GPT: variants seen among roughly 807,000 people sequenced by gnomAD.
GPT encodes glutamic--pyruvic transaminase.
In GPT, 60 loss-of-function variants were observed where a neutral mutation model predicts 51.4. The ratio of observed to expected loss-of-function variants is 1.17; its 90% CI spans 0.95 to 1.45. The LOEUF (loss-of-function observed/expected upper bound fraction) is 1.45. Ranked by LOEUF, GPT falls within the 40% of genes most tolerant of loss-of-function variation. The pLI, the probability that GPT is intolerant of heterozygous loss-of-function variation, is 0.00. For missense variants in GPT, 853 were observed against 704.0 expected, an observed-to-expected ratio of 1.21 and a Z score of -2.40; for synonymous variants, 397 against 303.1, an observed-to-expected ratio of 1.31 and a Z score of -3.22.
chr8:144,505,910 T>C lies in GPT; in HGVS notation c.802T>C (p.Phe268Leu). Residue 268 changes from phenylalanine to leucine, a missense_variant, in exon 6 of 11, where the codon TTT (phenylalanine) becomes CTT (leucine). Physicochemically the swap from Phe to Leu is conservative, Grantham distance 22. Transcript: ENST00000394955. ...CCGCTTCGCCTTCGAAGAGCGGCTC[T>C]TTCTGCTGGCGGACGAGGTGCGCGG... ...VIRFAFEERL[F>L]LLADEVYQDN... 1 of 1,605,444 alleles carries C rather than the reference T, an allele frequency of 6.2e-7. No homozygotes were observed. Among genetic ancestry groups the C allele is most frequent in the Non-Finnish European group, 8.5e-7 (1 of 1,176,718 alleles).
rs1826826163 is a variant in GPT, at chr8:144,506,648, C to CG, written c.1280dup (p.Ala428ArgfsTer119). 1 of 1,539,530 alleles carries CG rather than the reference C, an allele frequency of 6.5e-7. No homozygotes were observed. The highest frequency in any genetic ancestry group is 2.4e-5 in the East Asian group (1 of 41,226). ...GCAGCTGCCCCCGCGGGCGGTGGAG[C>CG]GCGCTCAGGTCAGGCGGGGGCGGGG... On this transcript the variant is annotated frameshift_variant, in exon 9 of 11. Coordinates refer to ENST00000394955, the MANE Select transcript of GPT (RefSeq NM_005309.3). LOFTEE classifies it high-confidence loss of function. This position sits in a 1 kb window ranked among gnomAD's most constrained non-coding sequence, Gnocchi z 7.0.
Position 144,506,708 on chromosome 8 carries a change from C to T in GPT, c.1288-23C>T, listed in dbSNP as rs934861641. ...TGGGCAGGGGGGGCCGGGCATCCCT[C>T]TCTGACGGCTCTCCGTCCACAGGAG... On this transcript the variant is annotated intron_variant, in intron 9 of 10. Coordinates refer to ENST00000394955, the MANE Select transcript of GPT (RefSeq NM_005309.3). The surrounding 1 kb of genome is among the most constrained non-coding windows in gnomAD (Gnocchi z 7.0). 1.9e-6 allele frequency: 3 copies of T among 1,607,578 alleles called. No homozygotes were observed. The highest frequency in any genetic ancestry group is 1.7e-6 in the Non-Finnish European group (2 of 1,178,298).
Position 144,504,215 on chromosome 8 carries a change from T to C in GPT, c.-90T>C, listed in dbSNP as rs1586771372. ...TGCTACGGCTGCCCCCTCCCAGCCC[T>C]GGCCCACTAAGCCAGACCCAGCTGT... On this transcript the variant is annotated 5_prime_UTR_variant, in exon 1 of 11. Coordinates refer to ENST00000394955, the MANE Select transcript of GPT (RefSeq NM_005309.3). 1.1e-5 allele frequency: 15 copies of C among 1,420,062 alleles called. No homozygotes were observed. The highest frequency in any genetic ancestry group is 1.4e-5 in the Non-Finnish European group (15 of 1,036,108). 88.0% of individuals were successfully genotyped at this position (1,420,062 alleles called of 1,614,324 possible). A position where few individuals can be genotyped will look rare whatever the true frequency, so the allele number is the denominator to read the frequency against.
Position 144,507,105 on chromosome 8 carries a change from G to A in GPT, c.*105G>A, listed in dbSNP as rs1826852429. On this transcript the variant is annotated 3_prime_UTR_variant, in exon 11 of 11. Coordinates refer to ENST00000394955, the MANE Select transcript of GPT (RefSeq NM_005309.3). Reference sequence around the variant, plus strand: ...TGCTCTTGATGCCTGGCGGGGTGGGGTGGGGGGGGTGCTGGGCCCCTGCCT... The same window carrying A: ...TGCTCTTGATGCCTGGCGGGGTGGGATGGGGGGGGTGCTGGGCCCCTGCCT... 1.4e-6 allele frequency: 1 copy of A among 698,246 alleles called. No homozygotes were observed. Among genetic ancestry groups the A allele is most frequent in the Admixed American group, 2.0e-5 (1 of 49,104 alleles). 43.3% of individuals were successfully genotyped at this position (698,246 alleles called of 1,614,324 possible). A position where few individuals can be genotyped will look rare whatever the true frequency, so the allele number is the denominator to read the frequency against.
Position 144,505,344 on chromosome 8 carries a change from G to A in GPT, c.594G>A (p.Glu198=), listed in dbSNP as rs1826742507. The A allele has an allele frequency of 3.8e-6, 6 of 1,574,056 alleles. No homozygotes were observed. The highest frequency in any genetic ancestry group is 5.2e-6 in the Non-Finnish European group (6 of 1,160,240). ...QYPLYSATLA[E]LGAVQVDYYL... is the part of the protein sequence containing the mutation. ...CACTCTACTCGGCCACGCTGGCAGA[G>A]CTGGGCGCAGTGCAGGTGGATTACT... The change falls in exon 5 of 11, where the codon GAG becomes GAA. Residue 198 remains glutamate (E), a synonymous_variant. Transcript: ENST00000394955.
chr8:144,504,334 G>A lies in GPT; in HGVS notation c.30G>A (p.Gln10=), dbSNP rs748144013. The A allele has an allele frequency of 9.3e-6, 15 of 1,610,482 alleles. No homozygotes were observed. Among genetic ancestry groups the A allele is most frequent in the Admixed American group, 1.7e-5 (1 of 59,996 alleles). ...CCTCGAGCACAGGTGACCGGAGCCA[G>A]GCGGTGAGGCATGGACTGAGGGCGA... The part of the protein sequence containing the change: MASSTGDRS[Q]AVRHGLRAKV... The change falls in exon 1 of 11, where the codon CAG becomes CAA. Residue 10 remains glutamine (Q), a synonymous_variant. Coordinates refer to ENST00000394955, the MANE Select transcript of GPT (RefSeq NM_005309.3).
chr8:144,504,347 G>A lies in GPT; in HGVS notation c.43G>A (p.Gly15Arg), dbSNP rs774705682. The change falls in exon 1 of 11, where the codon GGA (glycine) becomes AGA (arginine). Residue 15 changes from glycine (G) to arginine (R), a missense_variant. Physicochemically the swap from Gly to Arg is moderately radical, Grantham distance 125. Transcript: ENST00000394955. The stretch of plus-strand genomic sequence containing the variant: ...TGACCGGAGCCAGGCGGTGAGGCAT[G>A]GACTGAGGGCGAAGGTGCTGACGCT... Reference protein sequence around the residue: ...TGDRSQAVRHGLRAKVLTLDG... With the variant: ...TGDRSQAVRHRLRAKVLTLDG... 27 of 1,610,888 alleles carry A rather than the reference G, an allele frequency of 1.7e-5. No individual in the cohort carries two copies. Among genetic ancestry groups the A allele is most frequent in the Non-Finnish European group, 1.6e-5 (19 of 1,179,914 alleles).
Position 144,504,188 on chromosome 8 carries a change from T to C in GPT, c.-117T>C. The stretch of plus-strand genomic sequence containing the variant: ...GGGTGCTCTCTTGCCTGGAGTTCCC[T>C]CTGCTACGGCTGCCCCCTCCCAGCC... On this transcript the variant is annotated 5_prime_UTR_variant, in exon 1 of 11. Transcript: ENST00000394955. 1 of 1,118,610 alleles carries C rather than the reference T, an allele frequency of 8.9e-7. No individual in the cohort carries two copies. Among genetic ancestry groups the C allele is most frequent in the South Asian group, 1.3e-5 (1 of 74,790 alleles). The allele number at this position is 1,118,610 out of a possible 1,614,324, so 69.3% of individuals were successfully genotyped here. A position where few individuals can be genotyped will look rare whatever the true frequency, so the allele number is the denominator to read the frequency against.
Position 144,505,289 on chromosome 8 carries a change from CG to C in GPT, c.542del (p.Gly181ValfsTer78). On this transcript the variant is annotated frameshift_variant, in exon 5 of 11. Transcript: ENST00000394955. LOFTEE classifies it high-confidence loss of function. ...GTGGCCGGCGAGGGCCACACACGCA[CG>C]GGTGTGCTCATCCCCATCCCCCAGT... ...LLVAGEGHTR[T>X]GVLIPIPQYP... is the part of the protein sequence containing the mutation. 6.3e-7 allele frequency: 1 copy of C among 1,579,142 alleles called. No homozygotes were observed. Among genetic ancestry groups the C allele is most frequent in the Non-Finnish European group, 8.6e-7 (1 of 1,163,066 alleles).
In GPT at chr8:144,506,805, G is replaced by C. The variant is rs775560041; in HGVS notation, c.1362G>C (p.Gly454=). The change falls in exon 10 of 11, where the codon GGG becomes GGC. Residue 454 remains glycine, a synonymous_variant. Transcript: ENST00000394955. The surrounding 1 kb of genome is among the most constrained non-coding windows in gnomAD (Gnocchi z 7.0). The part of the protein sequence containing the change: ...LEETGICVVP[G]SGFGQREGTY... ...AGACCGGCATCTGCGTGGTGCCAGGGAGCGGCTTTGGGCAGCGGGAAGGCA... is the reference window on the plus strand; with the variant it reads ...AGACCGGCATCTGCGTGGTGCCAGGCAGCGGCTTTGGGCAGCGGGAAGGCA... 9 of 1,612,708 alleles carry C rather than the reference G, an allele frequency of 5.6e-6. No homozygotes were observed. The highest frequency in any genetic ancestry group is 6.8e-6 in the Non-Finnish European group (8 of 1,179,992).
At chr8:144,505,772 C>T (rs1826766620) in intron 5 of GPT, 76 bp from the exon 6 acceptor site, 2 of 1,440,012 alleles carry the variant, frequency 1.4e-6, no homozygotes, top group Admixed American at 2.0e-5. Flanking sequence ...GCCGGGTCCG[C>T]TGGACCCCGG....
rs1402923889 is a variant in GPT, at chr8:144,506,127, G to C, written c.952G>C (p.Gly318Arg). 6.2e-7 allele frequency: 1 copy of C among 1,611,934 alleles called. No individual in the cohort carries two copies. Among genetic ancestry groups the C allele is most frequent in the East Asian group, 2.2e-5 (1 of 44,820 alleles). The change falls in exon 7 of 11, where the codon GGC becomes CGC. Residue 318 changes from glycine (G) to arginine (R), a missense_variant. By Grantham distance (125) the Gly-to-Arg change is moderately radical. Transcript: ENST00000394955. The surrounding 1 kb of genome is among the most constrained non-coding windows in gnomAD (Gnocchi z 7.0). ...CCACTCCACCTCCAAGGGCTACATG[G>C]GCGAGTGCGTGCGTACGAGGCGGGT... ...SFHSTSKGYM[G>R]ECGFRGGYVE...
rs762260669 is a variant in GPT, at chr8:144,506,295, G to A, written c.1020G>A (p.Met340Ile). Residue 340 changes from methionine (M) to isoleucine (I), a missense_variant, in exon 8 of 11, where the codon ATG (methionine) becomes ATA (isoleucine). Transcript: ENST00000394955. This position sits in a 1 kb window ranked among gnomAD's most constrained non-coding sequence, Gnocchi z 7.0. ...TGGACGCTGCAGTGCAGCAGCAGAT[G>A]CTGAAGCTGATGAGTGTGCGGCTGT... ...VNMDAAVQQQ[M>I]LKLMSVRLCP... 6 of 1,596,254 alleles carry A rather than the reference G, an allele frequency of 3.8e-6. No homozygotes were observed. Among genetic ancestry groups the A allele is most frequent in the African/African-American group, 1.3e-5 (1 of 74,882 alleles).
rs1304041058 is a variant in GPT, at chr8:144,504,676, A to G, written c.235A>G (p.Ile79Val). 6.2e-7 allele frequency: 1 copy of G among 1,613,162 alleles called. No homozygotes were observed. The highest frequency in any genetic ancestry group is 8.5e-7 in the Non-Finnish European group (1 of 1,179,968). ...GDAQAMGQRP[I>V]TFLRQVLALC... ...CGCACAGGCTATGGGGCAGAGGCCCATCACCTTCCTGCGCCAGGTGAGGCT... is the reference window on the plus strand; with the variant it reads ...CGCACAGGCTATGGGGCAGAGGCCCGTCACCTTCCTGCGCCAGGTGAGGCT... Residue 79 changes from isoleucine (I) to valine (V), a missense_variant, in exon 2 of 11, where the codon ATC (isoleucine) becomes GTC (valine). Transcript: ENST00000394955.
At chr8:144,505,214 C>G (rs769036858) in intron 4 of GPT, 32 bp from the exon 5 acceptor site, 2 of 1,611,570 alleles carry the variant, frequency 1.2e-6, no homozygotes, top group African/African-American at 2.7e-5. Flanking sequence ...CCCCAGGCCT[C>G]GCCAACCCTG....
Position 144,506,353 on chromosome 8 carries a change from C to G in GPT, c.1078C>G (p.Leu360Val). 6.3e-7 allele frequency: 1 copy of G among 1,574,818 alleles called. No individual in the cohort carries two copies. The highest frequency in any genetic ancestry group is 8.6e-7 in the Non-Finnish European group (1 of 1,164,358). Residue 360 changes from leucine to valine, a missense_variant, in exon 8 of 11, where the codon CTG (leucine) becomes GTG (valine). Physicochemically the swap from Leu to Val is conservative, Grantham distance 32 (BLOSUM62 1). Transcript: ENST00000394955. This position sits in a 1 kb window ranked among gnomAD's most constrained non-coding sequence, Gnocchi z 7.0. ...GGTGCCAGGACAGGCCCTGCTGGAC[C>G]TGGTGGTCAGCCCGCCCGCGCCCAC... ...PPVPGQALLD[L>V]VVSPPAPTDP...
Position 144,506,144 on chromosome 8 carries a change from G to C in GPT, c.956+13G>C, listed in dbSNP as rs764663540. 10 of 1,609,584 alleles carry C rather than the reference G, an allele frequency of 6.2e-6. No individual in the cohort carries two copies. In the Admixed American group the frequency reaches 1.7e-4, roughly 27 times the overall value. On this transcript the variant is annotated intron_variant, in intron 7 of 10. Coordinates refer to ENST00000394955, the MANE Select transcript of GPT (RefSeq NM_005309.3). This position sits in a 1 kb window ranked among gnomAD's most constrained non-coding sequence, Gnocchi z 7.0. ...GCTACATGGGCGAGTGCGTGCGTAC[G>C]AGGCGGGTGGGGGCTCGCGGGCCAT...
At chr8:144,505,634 C>T (rs1446271863) in intron 5 of GPT, 145 bp downstream of exon 5, 1 of 128,460 alleles carries the variant, frequency 7.8e-6, no homozygotes, top group African/African-American at 7.6e-5. Context: ...CCCGCCGCCC[C>T]GCCCCACTCC....
Position 144,506,110 on chromosome 8 carries a change from C to T in GPT, c.935C>T (p.Thr312Ile). Residue 312 changes from threonine to isoleucine, a missense_variant, in exon 7 of 11, where the codon ACC becomes ATC. Transcript: ENST00000394955. The surrounding 1 kb of genome is among the most constrained non-coding windows in gnomAD (Gnocchi z 7.0). ...CAGGAGCTTGCCTCCTTCCACTCCACCTCCAAGGGCTACATGGGCGAGTGC... is the reference window on the plus strand; with the variant it reads ...CAGGAGCTTGCCTCCTTCCACTCCATCTCCAAGGGCTACATGGGCGAGTGC... Reference protein sequence around the residue: ...GQQELASFHSTSKGYMGECGF... With the variant: ...GQQELASFHSISKGYMGECGF... 1.9e-6 allele frequency: 3 copies of T among 1,612,274 alleles called. No individual in the cohort carries two copies. Among genetic ancestry groups the T allele is most frequent in the South Asian group, 1.1e-5 (1 of 91,078 alleles).
Sources: gnomAD v4.1 joint callset for allele counts on GRCh38, gnomAD v4.1.1 for gene constraint, Gnocchi (gnomAD v3.1) non-coding constraint, MANE v1.5 for transcripts, NCBI Gene and HGNC (gene_info 2026-07-23, HGNC 2026-07-21) for gene names.